Variants in DIS3L2 observed in about 807,000 individuals in gnomAD.
DIS3L2 encodes the protein DIS3 like 3'-5' exoribonuclease 2.
DIS3L2 carries 34 observed loss-of-function variants against 97.5 expected under a neutral mutation model. The observed-to-expected ratio is 0.35, with a 90% CI of 0.27 to 0.46. The LOEUF (loss-of-function observed/expected upper bound fraction) is 0.46. Among genes scored for constraint, DIS3L2 ranks in the 20% least tolerant of loss-of-function variants. The probability of loss-of-function intolerance (pLI) is 1.00; values close to 1 mark genes in which losing one functional copy is unlikely to be tolerated. For missense variants in DIS3L2, 1,038 were observed against 1,146.0 expected, an observed-to-expected ratio of 0.91 and a Z score of 1.36; for synonymous variants, 435 against 445.2, an observed-to-expected ratio of 0.98 and a Z score of 0.29.
At chr2:232,006,414 AT>A (rs1313843489) in intron 1 of DIS3L2, among the ~76,000 whole-genome samples, 2 of 152,222 alleles carry the variant, frequency 1.3e-5, no homozygotes. Flanking sequence ...AATAGACAGA[AT>A]TTGGTAATAG....
rs538186468 is a variant in DIS3L2 at position 232,336,640 on chromosome 2, G to GCCGCCTGCC, written c.*29_*37dup. The GCCGCCTGCC allele has an allele frequency of 1.4e-3, 2,134 of 1,552,140 alleles. 4 individuals are homozygous for GCCGCCTGCC. The highest frequency in any genetic ancestry group is 1.6e-3 in the Non-Finnish European group (1,854 of 1,153,222). ...CTCAAGCACCAGCTGAGCTCCACCA[G>GCCGCCTGCC]CCGCCTGCCCCGCCTGCCCCGCCTG... On this transcript the variant is annotated 3_prime_UTR_variant, in exon 21 of 21. Coordinates refer to ENST00000325385, the MANE Select transcript of DIS3L2 (RefSeq NM_152383.5).
chr2:232,218,658 G>A (rs540543212), intron 10 of DIS3L2, among the ~76,000 whole-genome samples: 3 of 152,132 alleles, frequency 2.0e-5, no homozygotes, highest in Admixed American at 6.5e-5. Context: ...ATCAGCTGGC[G>A]TCTAATCAAC....
In DIS3L2 at chr2:232,160,634, G is replaced by A. The variant is rs193238595; in HGVS notation, c.951-2825G>A. Among the ~76,000 whole-genome samples the A allele has an allele frequency of 5.4e-3, 820 of 152,198 alleles. 2 individuals are homozygous for A. The highest frequency in any genetic ancestry group is 9.0e-3 in the Non-Finnish European group (611 of 68,020). The stretch of plus-strand genomic sequence containing the variant: ...CTCAAAGCTGTAATCCCAGCACTTT[G>A]GGAGGCCGAGGTGGGCAGATTGCTT... On this transcript the variant is annotated intron_variant, in intron 8 of 20. Coordinates refer to ENST00000325385, the MANE Select transcript of DIS3L2 (RefSeq NM_152383.5).
intron 12 of DIS3L2, among the ~76,000 whole-genome samples, chr2:232,255,121 G>C (rs1435550482): frequency 6.6e-6 from 1 of 152,228 alleles, no homozygotes; most frequent in Admixed American, 6.5e-5. Context: ...TTTAGCAAGG[G>C]CTGGGGGAAC....
chr2:231,996,597 C>T (rs13430984), intron 1 of DIS3L2, among the ~76,000 whole-genome samples: 6,882 of 152,194 alleles, frequency 0.045, 503 homozygotes, highest in African/African-American at 0.15. Flanking sequence ...TAGTGCATAA[C>T]CCAAATTTAG....
intron 9 of DIS3L2, among the ~76,000 whole-genome samples, chr2:232,186,538 A>G (rs1691440518): frequency 6.6e-6 from 1 of 152,204 alleles, no homozygotes; most frequent in Non-Finnish European, 1.5e-5. Context: ...AGGAGAGAAC[A>G]TTTCCCATCT....
chr2:232,284,378 C>A (rs1694372831), intron 13 of DIS3L2, among the ~76,000 whole-genome samples: 1 of 152,194 alleles, frequency 6.6e-6, no homozygotes, highest in South Asian at 2.1e-4. Context: ...GTAAAGTAGG[C>A]ATGGTAACTG....
chr2:232,296,780 T>TGAGAACAGACC (rs1193318558), intron 13 of DIS3L2, among the ~76,000 whole-genome samples: 33 of 152,234 alleles, frequency 2.2e-4, no homozygotes, highest in Non-Finnish European at 4.3e-4. Context: ...ATTAGCAGTG[T>TGAGAACAGACC]GAGAACAGAC....
chr2:232,147,014 G>A, intron 8 of DIS3L2, among the ~76,000 whole-genome samples: 1 of 152,014 alleles, frequency 6.6e-6, no homozygotes, highest in African/African-American at 2.4e-5. Context: ...AATTCTTTTT[G>A]TGAAATACAT....
At chr2:232,130,330 G>A (rs1044121367) in intron 6 of DIS3L2, among the ~76,000 whole-genome samples, 1 of 152,086 alleles carries the variant, frequency 6.6e-6, no homozygotes, top group African/African-American at 2.4e-5. Context: ...TCGACACACA[G>A]GCTATTTAGT....
In DIS3L2 at chr2:232,334,306, C is replaced by T. The variant is rs1405361627; in HGVS notation, c.2159-63C>T. 9 of 1,568,716 alleles carry T rather than the reference C, an allele frequency of 5.7e-6. No homozygotes were observed. The African/African-American group carries it at 1.1e-4, about 19-fold the overall frequency. ...GGGTGCAGCGCCATGCAGCCCATCC[C>T]CCAGCCATAGCTCTTCCCAGCCCCC... On this transcript the variant is annotated intron_variant, in intron 17 of 20. Coordinates refer to ENST00000325385, the MANE Select transcript of DIS3L2 (RefSeq NM_152383.5).
At chr2:232,050,947 G>T (rs537252918) in intron 5 of DIS3L2, among the ~76,000 whole-genome samples, 2 of 152,212 alleles carry the variant, frequency 1.3e-5, no homozygotes, top group East Asian at 1.9e-4. Context: ...TAAATTTCTT[G>T]TAAGAGTGAC....
At chr2:231,964,821 T>C (rs1442683253) in intron 1 of DIS3L2, among the ~76,000 whole-genome samples, 2 of 152,232 alleles carry the variant, frequency 1.3e-5, no homozygotes, top group Admixed American at 6.5e-5. Flanking sequence ...ATGCAAAATA[T>C]GTGGTACGGA....
At chr2:232,331,101 T>C (rs3020186) in intron 16 of DIS3L2, among the ~76,000 whole-genome samples, 3 of 152,308 alleles carry the variant, frequency 2.0e-5, no homozygotes, top group South Asian at 2.1e-4. Flanking sequence ...TCCCATGTGG[T>C]TTCCTGTCCC....
At chr2:232,186,631 A>G (rs1691444032) in intron 9 of DIS3L2, among the ~76,000 whole-genome samples, 1 of 152,238 alleles carries the variant, frequency 6.6e-6, no homozygotes, top group Non-Finnish European at 1.5e-5. Context: ...CTGAGCTCAG[A>G]TGCAGAAGTA....
intron 6 of DIS3L2, among the ~76,000 whole-genome samples, chr2:232,092,301 T>G (rs1696867416): frequency 2.0e-5 from 3 of 152,216 alleles, no homozygotes; most frequent in African/African-American, 7.2e-5. Flanking sequence ...CATGCCGTTT[T>G]GGTTACTATA....
At chr2:232,248,548 A>C (rs779924471) in intron 11 of DIS3L2, among the ~76,000 whole-genome samples, 7 of 152,236 alleles carry the variant, frequency 4.6e-5, no homozygotes, top group Non-Finnish European at 7.3e-5. Flanking sequence ...ATTTGAAAGT[A>C]AGCTGAAAAA....
At chr2:231,970,103 A>T (rs1692852293) in intron 1 of DIS3L2, among the ~76,000 whole-genome samples, 1 of 150,840 alleles carries the variant, frequency 6.6e-6, no homozygotes, top group Non-Finnish European at 1.5e-5. Flanking sequence ...CACCTGGCTG[A>T]TTTTTTTTTG....
intron 15 of DIS3L2, 140 bp downstream of exon 15, chr2:232,330,136 C>A: frequency 9.1e-7 from 1 of 1,096,786 alleles, no homozygotes; most frequent in Non-Finnish European, 1.3e-6. Context: ...GGGAAGGAGG[C>A]CCTGGGAGAA....
Sources: gnomAD v4.1 joint callset for allele counts (sites outside exome capture counted in the v4.1 genomes callset) on GRCh38, gnomAD v4.1.1 for gene constraint, MANE v1.5 for transcripts, NCBI Gene and HGNC (gene_info 2026-07-23, HGNC 2026-07-21) for gene names.